SLC51A: variants seen among roughly 807,000 people sequenced by gnomAD.
SLC51A encodes solute carrier family 51 member A, also known as organic solute transporter subunit alpha.
SLC51A carries 22 observed loss-of-function variants against 34.8 expected under a neutral mutation model. The observed-to-expected ratio is 0.63, with a 90% confidence interval of 0.45 to 0.90. The LOEUF (loss-of-function observed/expected upper bound fraction) is 0.90, where lower values mean the gene tolerates loss of function less well. Ranked by LOEUF, SLC51A falls within the 40% of genes least tolerant of loss-of-function variation. The pLI is 0.00. For missense variants in SLC51A, 371 were observed against 414.8 expected, an observed-to-expected ratio of 0.89 and a Z score of 0.92; for synonymous variants, 181 against 176.3, an observed-to-expected ratio of 1.03 and a Z score of -0.21.
At chr3:196,227,994 C>G (rs971403705) in intron 4 of SLC51A, 121 bp from the exon 5 acceptor site, 3 of 1,360,776 alleles carry the variant, frequency 2.2e-6, no homozygotes, top group Non-Finnish European at 1.0e-6. Context: ...TCCCTCGCCC[C>G]TCTTGGGTCA....
rs140537561 is a variant in SLC51A at position 196,218,191 on chromosome 3, C to T, written c.133+255C>T. ...CCTCCACAAAACTGGCCTCAAAGCT[C>T]ATTCAAACTGCGGACACTGCGACCT... is the stretch of plus-strand genomic sequence containing the variant. On this transcript the variant is annotated intron_variant, in intron 2 of 8. Transcript: ENST00000296327. 5.2e-4 allele frequency among the ~76,000 whole-genome samples: 79 copies of T among 152,334 alleles called. 1 individual carries two copies. The highest frequency in any genetic ancestry group is 1.8e-3 in the African/African-American group (76 of 41,578).
chr3:196,217,837 G>A lies in SLC51A; in HGVS notation c.39-5G>A, dbSNP rs868575162. 1.6e-5 allele frequency: 25 copies of A among 1,612,654 alleles called. No homozygotes were observed. In the Middle Eastern group the frequency reaches 8.2e-4, roughly 53 times the overall value. On this transcript the variant is annotated splice_region_variant and splice_polypyrimidine_tract_variant and intron_variant, in intron 1 of 8. Transcript: ENST00000296327. ...GGTTCTGAGCACAGGCTGGTGTCTC[G>A]CCAGGTACACAGCAGATCTTCTGGA...
intron 2 of SLC51A, chr3:196,223,985 A>G: frequency 3.0e-6 from 1 of 335,276 alleles, no homozygotes; most frequent in Non-Finnish European, 5.7e-6. Flanking sequence ...CAGCCTCTCC[A>G]GTAGGTGGGA....
rs903595986 is a variant in SLC51A at position 196,233,116 on chromosome 3, C to A, written c.940C>A (p.Arg314=). 1 of 1,614,126 alleles carries A rather than the reference C, an allele frequency of 6.2e-7. No homozygotes were observed. The highest frequency in any genetic ancestry group is 1.7e-5 in the Admixed American group (1 of 60,028). The stretch of plus-strand genomic sequence containing the variant: ...GACTTTTCTAATGACTGTGCTGACA[C>A]GAATGTACTACCGAAGGAAAGACCA... ...LETFLMTVLT[R]MYYRRKDHKV... Residue 314 remains arginine, a synonymous_variant, in exon 9 of 9, where the codon CGA becomes AGA. Transcript: ENST00000296327.
intron 7 of SLC51A, among the ~76,000 whole-genome samples, chr3:196,231,653 C>T (rs979913978): frequency 2.0e-5 from 3 of 152,012 alleles, no homozygotes; most frequent in Non-Finnish European, 4.4e-5. Flanking sequence ...GAGACCAGGC[C>T]GAAAGATAAA....
In SLC51A at chr3:196,216,742, T is replaced by C. The variant is rs1423494515; in HGVS notation, c.30T>C (p.Leu10=). The C allele has an allele frequency of 1.5e-5, 24 of 1,577,686 alleles. No individual in the cohort carries two copies. The highest frequency in any genetic ancestry group is 2.0e-5 in the Non-Finnish European group (23 of 1,161,572). The stretch of plus-strand genomic sequence containing the variant: ...AGCCGGGCAGGACCCAGATAAAGCT[T>C]GACCCCAGGTAAGTGAGGGCGGCGG... The part of the protein sequence containing the change: MEPGRTQIK[L]DPRYTADLLE... Residue 10 remains leucine, a synonymous_variant, in exon 1 of 9, where the codon CTT becomes CTC. Transcript: ENST00000296327. The surrounding 1 kb of genome is among the most constrained non-coding windows in gnomAD (Gnocchi z 4.5).
chr3:196,226,907 G>A, intron 2 of SLC51A, 58 bp from the exon 3 acceptor site: 1 of 1,535,656 alleles, frequency 6.5e-7, no homozygotes, highest in Non-Finnish European at 8.8e-7. Context: ...CGAGGAACAA[G>A]CCCAGGCCTT....
chr3:196,220,976 C>T (rs1723742627), intron 2 of SLC51A, among the ~76,000 whole-genome samples: 1 of 151,316 alleles, frequency 6.6e-6, no homozygotes. Flanking sequence ...CCCAACCCTC[C>T]ACCTGCTGGG....
Position 196,228,157 on chromosome 3 carries a change from G to A in SLC51A, c.405G>A (p.Val135=). The change falls in exon 5 of 9, where the codon GTG becomes GTA. Residue 135 remains valine, a synonymous_variant. Coordinates refer to ENST00000296327, the MANE Select transcript of SLC51A (RefSeq NM_152672.6). The surrounding 1 kb of genome is among the most constrained non-coding windows in gnomAD (Gnocchi z 4.9). ...TTTACCTGCTGATGCTGGTCATGGTGGAAGGCTTTGGGGGGAAGGAGGCAG... is the reference window on the plus strand; with the variant it reads ...TTTACCTGCTGATGCTGGTCATGGTAGAAGGCTTTGGGGGGAAGGAGGCAG... ...VCFYLLMLVM[V]EGFGGKEAVL... is the part of the protein sequence containing the mutation. 1 of 1,614,198 alleles carries A rather than the reference G, an allele frequency of 6.2e-7. No individual in the cohort carries two copies. Among genetic ancestry groups the A allele is most frequent in the Non-Finnish European group, 8.5e-7 (1 of 1,180,016 alleles).
Position 196,218,046 on chromosome 3 carries a change from T to A in SLC51A, c.133+110T>A, listed in dbSNP as rs1236178134. 3 of 950,010 alleles carry A rather than the reference T, an allele frequency of 3.2e-6. No individual in the cohort carries two copies. The African/African-American group carries it at 4.9e-5, about 15-fold the overall frequency. 58.8% of individuals were successfully genotyped at this position (950,010 alleles called of 1,614,324 possible). A position where few individuals can be genotyped will look rare whatever the true frequency, so the allele number is the denominator to read the frequency against. On this transcript the variant is annotated intron_variant, in intron 2 of 8. Coordinates refer to ENST00000296327, the MANE Select transcript of SLC51A (RefSeq NM_152672.6). ...GGTGCACCTGGGCAGCCGGGGAGAA[T>A]AACTGGCCCGGTGTCTGTCATCGTG... is the stretch of plus-strand genomic sequence containing the variant.
At chr3:196,224,494 C>A (rs1723844401) in intron 2 of SLC51A, among the ~76,000 whole-genome samples, 1 of 151,224 alleles carries the variant, frequency 6.6e-6, no homozygotes, top group Admixed American at 6.6e-5. Flanking sequence ...CAGTTCAAGA[C>A]CAGCCTGGCC....
At chr3:196,227,303 G>A (rs1162153554) in intron 3 of SLC51A, 184 bp downstream of exon 3, 1 of 643,514 alleles carries the variant, frequency 1.6e-6, no homozygotes, top group African/African-American at 1.8e-5. Context: ...GCTGTGCAGT[G>A]TTTGCATTCT....
intron 4 of SLC51A, 142 bp from the exon 5 acceptor site, chr3:196,227,973 G>A (rs1723938529): frequency 1.0e-5 from 12 of 1,150,050 alleles, no homozygotes; most frequent in South Asian, 1.5e-5. Context: ...AGTCCTGTGG[G>A]CCGTCTCCTC....
At chr3:196,217,686 A>G (rs1170220961) in intron 1 of SLC51A, among the ~76,000 whole-genome samples, 156 bp from the exon 2 acceptor site, 1 of 151,852 alleles carries the variant, frequency 6.6e-6, no homozygotes, top group Admixed American at 6.6e-5. Flanking sequence ...AGAGAGAGTG[A>G]AAGGAAGGAA....
Position 196,232,430 on chromosome 3 carries a change from C to T in SLC51A, c.792C>T (p.Ile264=). The T allele has an allele frequency of 6.2e-7, 1 of 1,614,008 alleles. No homozygotes were observed. The highest frequency in any genetic ancestry group is 8.5e-7 in the Non-Finnish European group (1 of 1,179,832). The change falls in exon 8 of 9, where the codon ATC becomes ATT. Residue 264 remains isoleucine, a synonymous_variant. Coordinates refer to ENST00000296327, the MANE Select transcript of SLC51A (RefSeq NM_152672.6). The part of the protein sequence containing the change: ...AKFALFQVLL[I]LTALQPSIFS... ...TTTATGTTCCGCAGGTTCTCCTCAT[C>T]CTGACTGCCCTACAGCCCTCCATCT...
intron 2 of SLC51A, among the ~76,000 whole-genome samples, chr3:196,219,151 G>A (rs1350828445): frequency 1.3e-5 from 2 of 152,192 alleles, no homozygotes; most frequent in African/African-American, 2.4e-5. Flanking sequence ...GCTTGAACTC[G>A]GGAGGCGGAG....
intron 2 of SLC51A, among the ~76,000 whole-genome samples, chr3:196,219,083 A>G (rs943961904): frequency 9.9e-5 from 15 of 151,972 alleles, no homozygotes; most frequent in African/African-American, 2.4e-4. Context: ...AAAATTAGCC[A>G]GGCGTGGTGG....
chr3:196,216,739 G>C lies in SLC51A; in HGVS notation c.27G>C (p.Lys9Asn). ...TGGAGCCGGGCAGGACCCAGATAAA[G>C]CTTGACCCCAGGTAAGTGAGGGCGG... MEPGRTQI[K>N]LDPRYTADLL... The change falls in exon 1 of 9, where the codon AAG becomes AAC. Residue 9 changes from lysine to asparagine, a missense_variant. Transcript: ENST00000296327. This position sits in a 1 kb window ranked among gnomAD's most constrained non-coding sequence, Gnocchi z 4.5. 1 of 1,578,682 alleles carries C rather than the reference G, an allele frequency of 6.3e-7. No homozygotes were observed. The highest frequency in any genetic ancestry group is 8.6e-7 in the Non-Finnish European group (1 of 1,161,976).
rs1321126001 is a variant in SLC51A at position 196,216,591 on chromosome 3, T to C, written c.-122T>C. The C allele has an allele frequency of 3.0e-6, 3 of 1,000,694 alleles. No homozygotes were observed. The highest frequency in any genetic ancestry group is 2.0e-5 in the Admixed American group (1 of 49,992). The allele number at this position is 1,000,694 out of a possible 1,614,324, so 62.0% of individuals were successfully genotyped here. A position where few individuals can be genotyped will look rare whatever the true frequency, so the allele number is the denominator to read the frequency against. On this transcript the variant is annotated 5_prime_UTR_variant, in exon 1 of 9. Transcript: ENST00000296327. The surrounding 1 kb of genome is among the most constrained non-coding windows in gnomAD (Gnocchi z 4.5). ...GGGAGAGCGGCAGAGGGGAAGACTC[T>C]GCAATTCTGCTTGCCCCCCACCCCG... is the stretch of plus-strand genomic sequence containing the variant.
Sources: gnomAD v4.1 joint callset for allele counts (sites outside exome capture counted in the v4.1 genomes callset) on GRCh38, gnomAD v4.1.1 for gene constraint, Gnocchi (gnomAD v3.1) non-coding constraint, MANE v1.5 for transcripts, NCBI Gene and HGNC (gene_info 2026-07-23, HGNC 2026-07-21) for gene names.